The following PLXNC1 variants were observed in gnomAD, a reference collection of about 807,000 sequenced individuals.
The protein encoded by PLXNC1 is plexin-C1.
PLXNC1 carries 75 observed loss-of-function variants against 178.2 expected under a neutral mutation model. The ratio of observed to expected loss-of-function variants is 0.42; its 90% CI spans 0.35 to 0.51. The LOEUF (loss-of-function observed/expected upper bound fraction) is 0.51. PLXNC1 is among the 20% of genes least tolerant of loss of function. The pLI, the probability that PLXNC1 is intolerant of heterozygous loss-of-function variation, is 0.02. For synonymous variants in PLXNC1, 790 were observed against 779.9 expected (o/e 1.01, Z -0.22); for missense variants, 1,503 against 1,984.4 (o/e 0.76, Z 4.61).
intron 1 of PLXNC1, among the ~76,000 whole-genome samples, chr12:94,153,058 C>T (rs1268025247): frequency 6.6e-6 from 1 of 152,218 alleles, no homozygotes; most frequent in Non-Finnish European, 1.5e-5. Context: ...GATATTTGTA[C>T]AGCACTTCCA....
chr12:94,282,215 A>G, intron 22 of PLXNC1, 83 bp from the exon 23 acceptor site: 1 of 879,566 alleles, frequency 1.1e-6, no homozygotes, highest in Non-Finnish European at 1.9e-6. Flanking sequence ...ACTTTATTCA[A>G]GTTTTAGTTA....
intron 4 of PLXNC1, among the ~76,000 whole-genome samples, chr12:94,207,573 C>T (rs1963338311): frequency 1.3e-5 from 2 of 152,152 alleles, no homozygotes; most frequent in Admixed American, 1.3e-4. Context: ...TGCTGCCAGA[C>T]ACTGAGGGAT....
intron 23 of PLXNC1, among the ~76,000 whole-genome samples, chr12:94,284,997 T>C (rs139132220): frequency 6.6e-6 from 1 of 152,264 alleles, no homozygotes; most frequent in African/African-American, 2.4e-5. Context: ...CCAGCAATAA[T>C]GCAGTGGCTC....
chr12:94,176,533 A>G (rs1351798475), intron 2 of PLXNC1: 7 of 152,222 alleles, frequency 4.6e-5, no homozygotes, highest in Admixed American at 4.6e-4. Context: ...TTGTTTGCAT[A>G]ATCTAGCAAA....
At chr12:94,272,930 C>A (rs1393200995) in intron 21 of PLXNC1, among the ~76,000 whole-genome samples, 1 of 152,194 alleles carries the variant, frequency 6.6e-6, no homozygotes, top group Non-Finnish European at 1.5e-5. Flanking sequence ...TTCATTGAGG[C>A]CTTCAAGCAG....
intron 3 of PLXNC1, among the ~76,000 whole-genome samples, chr12:94,182,861 ATCTATCTATCTATC>A (rs1565797603): frequency 2.4e-5 from 3 of 125,990 alleles, no homozygotes; most frequent in Admixed American, 7.5e-5. Flanking sequence ...GAATATCTGT[ATCTATCTATCTATC>A]TATCTATCTA....
intron 4 of PLXNC1, among the ~76,000 whole-genome samples, chr12:94,204,305 C>A (rs1285656783): frequency 6.6e-6 from 1 of 152,200 alleles, no homozygotes; most frequent in Non-Finnish European, 1.5e-5. Flanking sequence ...CAATATGGAA[C>A]CAGCTATGCC....
At chr12:94,271,687 A>G (rs957289675) in intron 21 of PLXNC1, among the ~76,000 whole-genome samples, 2 of 152,238 alleles carry the variant, frequency 1.3e-5, no homozygotes, top group Non-Finnish European at 2.9e-5. Context: ...GTCAGAAAAT[A>G]ATACATGTAC....
intron 4 of PLXNC1, among the ~76,000 whole-genome samples, chr12:94,208,238 G>C (rs1425947415): frequency 6.6e-6 from 1 of 152,242 alleles, no homozygotes; most frequent in East Asian, 1.9e-4. Flanking sequence ...CACAGATGTA[G>C]TGGGAGGTGG....
intron 4 of PLXNC1, among the ~76,000 whole-genome samples, chr12:94,193,948 A>C (rs1490011095): frequency 6.6e-6 from 1 of 152,240 alleles, no homozygotes; most frequent in Non-Finnish European, 1.5e-5. Flanking sequence ...TTGCACTGCT[A>C]TAATGAAATA....
chr12:94,248,043 C>T lies in PLXNC1; in HGVS notation c.2529C>T (p.Asp843=), dbSNP rs762716874. The T allele has an allele frequency of 1.2e-6, 2 of 1,614,058 alleles. No individual in the cohort carries two copies. The highest frequency in any genetic ancestry group is 2.7e-5 in the African/African-American group (2 of 75,012). Residue 843 remains aspartate, a synonymous_variant, in exon 13 of 31, where the codon GAC becomes GAT. Coordinates refer to ENST00000258526, the MANE Select transcript of PLXNC1 (RefSeq NM_005761.3). ...LDCGTLQYRE[D]PRFTGYRVES... ...GTGGAACCCTGCAGTATCGGGAGGA[C>T]CCCAGATTCACGGGGTATCGGGTGG... is the stretch of plus-strand genomic sequence containing the variant.
rs1205664372 is a variant in PLXNC1, at chr12:94,265,129, A to G, written c.3501A>G (p.Lys1167=). The G allele has an allele frequency of 6.2e-7, 1 of 1,614,210 alleles. No homozygotes were observed. The highest frequency in any genetic ancestry group is 1.1e-5 in the South Asian group (1 of 91,092). ...FYLLVTTLNQ[K]INKGPVDVIT... ...TGCTGGTGACGACTCTGAACCAGAA[A>G]ATTAACAAGGGTCCCGTGGATGTAA... Residue 1167 remains lysine, a synonymous_variant, in exon 21 of 31, where the codon AAA becomes AAG. Transcript: ENST00000258526.
At chr12:94,238,251 A>T (rs550934658) in intron 10 of PLXNC1, among the ~76,000 whole-genome samples, 1 of 152,352 alleles carries the variant, frequency 6.6e-6, no homozygotes, top group Non-Finnish European at 1.5e-5. Flanking sequence ...TTTTATGTGG[A>T]CATTTTATTC....
chr12:94,166,519 A>C (rs1961616648), intron 1 of PLXNC1, among the ~76,000 whole-genome samples: 1 of 129,310 alleles, frequency 7.7e-6, no homozygotes, highest in South Asian at 2.8e-4. Flanking sequence ...AGTACATGTT[A>C]GCTGGTATTA....
At chr12:94,262,821 T>G (rs1965035689) in intron 20 of PLXNC1, 12 of 962,478 alleles carry the variant, frequency 1.2e-5, no homozygotes, top group Non-Finnish European at 1.5e-5. Flanking sequence ...TACCATTTAT[T>G]GAATGTGCCA....
intron 4 of PLXNC1, among the ~76,000 whole-genome samples, chr12:94,187,036 C>A (rs772967399): frequency 9.2e-5 from 14 of 152,324 alleles, no homozygotes; most frequent in African/African-American, 3.4e-4. Flanking sequence ...CGACTCGGAG[C>A]GGCTTCCCCG....
intron 15 of PLXNC1, 115 bp downstream of exon 15, chr12:94,251,643 G>A: frequency 5.6e-6 from 4 of 713,144 alleles, no homozygotes; most frequent in South Asian, 4.6e-5. Flanking sequence ...ATGGGTGAAA[G>A]CCCAAATCAA....
intron 9 of PLXNC1, among the ~76,000 whole-genome samples, chr12:94,236,268 A>G (rs1305727082): frequency 6.6e-6 from 1 of 152,224 alleles, no homozygotes; most frequent in Non-Finnish European, 1.5e-5. Context: ...ATTTACCTCA[A>G]TCTGCAAAAC....
intron 24 of PLXNC1, among the ~76,000 whole-genome samples, chr12:94,296,468 AAAAC>A (rs1254233331): frequency 3.9e-5 from 6 of 152,282 alleles, no homozygotes; most frequent in South Asian, 2.1e-4. Flanking sequence ...TCTCAACTTT[AAAAC>A]AAACAAACCA....
Sources: gnomAD v4.1 joint callset for allele counts (sites outside exome capture counted in the v4.1 genomes callset) on GRCh38, gnomAD v4.1.1 for gene constraint, MANE v1.5 for transcripts, NCBI Gene and HGNC (gene_info 2026-07-23, HGNC 2026-07-21) for gene names.